DAB1: variants seen among roughly 807,000 people sequenced by gnomAD.
The protein encoded by DAB1 is disabled homolog 1.
A neutral mutation model predicts 64.6 loss-of-function variants in DAB1; 15 were observed. The ratio of observed to expected loss-of-function variants is 0.23; its 90% confidence interval spans 0.16 to 0.36. DAB1 has a LOEUF of 0.36. DAB1 is among the 10% of genes least tolerant of loss of function. DAB1 has a pLI of 1.00. For synonymous variants in DAB1, 235 were observed against 251.9 expected, an observed-to-expected ratio of 0.93 and a Z score of 0.64; for missense variants, 596 against 706.7, an observed-to-expected ratio of 0.84 and a Z score of 1.78.
At chr1:57,371,082 C>G (rs531508631) in intron 1 of DAB1, among the ~76,000 whole-genome samples, 41 of 152,320 alleles carry the variant, frequency 2.7e-4, no homozygotes, top group Non-Finnish European at 1.3e-4. Context: ...GCTATATGCA[C>G]AGCTGTGGTG....
At chr1:57,483,102 A>G (rs112177223) in intron 7 of DAB1, among the ~76,000 whole-genome samples, 12 of 152,394 alleles carry the variant, frequency 7.9e-5, no homozygotes, top group African/African-American at 2.9e-4. Context: ...AAAAATATGC[A>G]TGGGAAAAAG....
chr1:57,572,486 A>G (rs561459902), intron 7 of DAB1, among the ~76,000 whole-genome samples: 1 of 152,270 alleles, frequency 6.6e-6, no homozygotes, highest in African/African-American at 2.4e-5. Flanking sequence ...TAGCTATACC[A>G]TATCAGGCAA....
chr1:57,828,443 G>T lies in DAB1; in HGVS notation n.88-1988C>A, dbSNP rs150207103. 2.0e-4 allele frequency among the ~76,000 whole-genome samples: 30 copies of T among 152,148 alleles called. No individual in the cohort carries two copies. In the Middle Eastern group the frequency reaches 0.01, roughly 52 times the overall value. ...CCACCTCCTGCTGCAGTAATCTTGGGGACTGAGAGTGGGCTTTCATTGTTT... is the reference window on the plus strand; with the variant it reads ...CCACCTCCTGCTGCAGTAATCTTGGTGACTGAGAGTGGGCTTTCATTGTTT... On this transcript the variant is annotated intron_variant and non_coding_transcript_variant, in intron 1 of 1. Transcript: ENST00000477280.
chr1:57,222,536 C>T (rs1485412502), intron 2 of DAB1, among the ~76,000 whole-genome samples: 1 of 151,970 alleles, frequency 6.6e-6, no homozygotes, highest in Admixed American at 6.6e-5. Flanking sequence ...AGGCTTGGGG[C>T]ACTGCCAGTT....
chr1:57,117,930 C>T (rs944716141), intron 4 of DAB1, among the ~76,000 whole-genome samples: 4 of 152,174 alleles, frequency 2.6e-5, no homozygotes, highest in African/African-American at 9.7e-5. Context: ...CAACACAACA[C>T]TCTGTGACCT....
chr1:57,150,175 A>G (rs1421219858), intron 2 of DAB1, among the ~76,000 whole-genome samples: 4 of 152,246 alleles, frequency 2.6e-5, no homozygotes, highest in African/African-American at 9.6e-5. Flanking sequence ...GCAGTTAAGT[A>G]TAGATACTAA....
rs191242513 is a variant in DAB1 at position 57,142,316 on chromosome 1, G to A, written c.207+2974C>T. Among the ~76,000 whole-genome samples, 15 of 152,036 alleles carry A rather than the reference G, an allele frequency of 9.9e-5. No individual in the cohort carries two copies. In the East Asian group the frequency reaches 1.7e-3, roughly 18 times the overall value. On this transcript the variant is annotated intron_variant, in intron 3 of 14. Transcript: ENST00000371236. ...GTGAGTAAGTGGGCCTTTTTGGAAG[G>A]GTAAGAGGTATTTTGTACTTCTCTC... is the stretch of plus-strand genomic sequence containing the variant.
chr1:57,670,782 AT>A (rs1455065938), intron 6 of DAB1, among the ~76,000 whole-genome samples: 8 of 152,152 alleles, frequency 5.3e-5, no homozygotes, highest in Non-Finnish European at 1.2e-4. Flanking sequence ...ACATGAAGAA[AT>A]ACTTTCAGGG....
intron 3 of DAB1, among the ~76,000 whole-genome samples, chr1:58,422,717 C>T (rs1644784078): frequency 6.6e-6 from 1 of 151,424 alleles, no homozygotes; most frequent in South Asian, 2.1e-4. Flanking sequence ...TTGTACCTAT[C>T]ACAACCCACA....
chr1:57,113,246 G>T (rs148241165), intron 4 of DAB1, among the ~76,000 whole-genome samples: 1 of 152,120 alleles, frequency 6.6e-6, no homozygotes, highest in East Asian at 1.9e-4. Context: ...GGCCATTATT[G>T]TTACTGATAG....
Position 57,457,283 on chromosome 1 carries a change from C to T in DAB1, n.626-166117G>A, listed in dbSNP as rs553583964. 3.9e-5 allele frequency among the ~76,000 whole-genome samples: 6 copies of T among 152,234 alleles called. 1 individual carries two copies. In the South Asian group the frequency reaches 1.2e-3, roughly 32 times the overall value. ...AGAACTGTGTGCACCAACCTGTCAT[C>T]TAGATACAGATCTGTTAGAGAAATC... On this transcript the variant is annotated intron_variant and non_coding_transcript_variant, in intron 7 of 20. Coordinates refer to the DAB1 transcript ENST00000485760.
At chr1:57,500,742 GAA>G in intron 7 of DAB1, among the ~76,000 whole-genome samples, 1 of 151,128 alleles carries the variant, frequency 6.6e-6, no homozygotes, top group African/African-American at 2.4e-5. Flanking sequence ...TATTCCTTTA[GAA>G]AAAAAAATCT....
At chr1:57,582,498 C>A (rs1015832233) in intron 7 of DAB1, among the ~76,000 whole-genome samples, 3 of 152,216 alleles carry the variant, frequency 2.0e-5, no homozygotes, top group Non-Finnish European at 4.4e-5. Flanking sequence ...AACTAGATCA[C>A]TTCCCAAAGA....
rs535557088 is a variant in DAB1, at chr1:58,476,601, G to C, written n.257+29459C>G. ...CTGACAGAGTTTTCTTCCCAGTAAT[G>C]AAGTGGGAGATTTATCTCATCTCAC... On this transcript the variant is annotated intron_variant and non_coding_transcript_variant, in intron 3 of 20. Coordinates refer to the DAB1 transcript ENST00000485760. Among the ~76,000 whole-genome samples, 12 of 152,320 alleles carry C rather than the reference G, an allele frequency of 7.9e-5. No homozygotes were observed. The East Asian group carries it at 2.3e-3, about 29-fold the overall frequency.
At chr1:57,997,703 G>A (rs1431331708) in intron 5 of DAB1, among the ~76,000 whole-genome samples, 1 of 152,100 alleles carries the variant, frequency 6.6e-6, no homozygotes, top group East Asian at 1.9e-4. Flanking sequence ...GGTCTGAGGG[G>A]AGAAGGAGAA....
chr1:58,407,151 G>C (rs3850540), intron 3 of DAB1, among the ~76,000 whole-genome samples: 50,141 of 152,002 alleles, frequency 0.33, 8,450 homozygotes, highest in Non-Finnish European at 0.36. Flanking sequence ...CTACCTGCTA[G>C]AGAGGACTTT....
intron 4 of DAB1, among the ~76,000 whole-genome samples, chr1:58,253,371 C>A (rs540106264): frequency 6.6e-6 from 1 of 152,312 alleles, no homozygotes; most frequent in East Asian, 1.9e-4. Flanking sequence ...GCCTGATTAA[C>A]AATAAAGCCC....
At chr1:57,280,074 A>T (rs563375353) in intron 2 of DAB1, among the ~76,000 whole-genome samples, 1 of 152,314 alleles carries the variant, frequency 6.6e-6, no homozygotes, top group African/African-American at 2.4e-5. Context: ...CTCTGGGGTT[A>T]GAAAGATCTG....
intron 6 of DAB1, among the ~76,000 whole-genome samples, chr1:57,796,562 TC>T (rs1650880665): frequency 7.5e-5 from 10 of 132,956 alleles, no homozygotes; most frequent in African/African-American, 4.1e-4. Flanking sequence ...ATAATAATAA[TC>T]ATAATCATAA....
Sources: gnomAD v4.1 joint callset for allele counts (sites outside exome capture counted in the v4.1 genomes callset) on GRCh38, gnomAD v4.1.1 for gene constraint, MANE v1.5 for transcripts, NCBI Gene and HGNC (gene_info 2026-07-23, HGNC 2026-07-21) for gene names.